Variants in ATP9B observed in about 807,000 individuals in gnomAD.
The protein encoded by ATP9B is ATPase phospholipid transporting 9B, also known as probable phospholipid-transporting ATPase IIB.
In ATP9B, 110 loss-of-function variants were observed where a neutral mutation model predicts 146.1. The ratio of observed to expected loss-of-function variants is 0.75; its 90% CI spans 0.65 to 0.88. ATP9B has a LOEUF of 0.88. ATP9B is among the 40% of genes least tolerant of loss of function. ATP9B has a pLI of 0.00. For missense variants in ATP9B, 1,499 were observed against 1,496.4 expected, an observed-to-expected ratio of 1.00 and a Z score of -0.03; for synonymous variants, 604 against 569.7, an observed-to-expected ratio of 1.06 and a Z score of -0.86.
chr18:79,104,719 T>C (rs1422696786), intron 2 of ATP9B, among the ~76,000 whole-genome samples: 1 of 152,026 alleles, frequency 6.6e-6, no homozygotes, highest in Non-Finnish European at 1.5e-5. Flanking sequence ...CTTAGTAAAA[T>C]ATCCTAGATT....
intron 14 of ATP9B, 94 bp downstream of exon 14, chr18:79,303,810 A>C: frequency 1.6e-5 from 12 of 743,346 alleles, no homozygotes; most frequent in South Asian, 6.4e-5. Flanking sequence ...GTAAATTAGC[A>C]CGCTTCTTGG....
intron 1 of ATP9B, among the ~76,000 whole-genome samples, chr18:79,094,221 G>T (rs1376034305): frequency 6.6e-6 from 1 of 152,196 alleles, no homozygotes; most frequent in African/African-American, 2.4e-5. Flanking sequence ...AGCCTGTCCT[G>T]TGCTTATTTG....
At chr18:79,210,225 A>G (rs1396934577) in intron 10 of ATP9B, among the ~76,000 whole-genome samples, 1 of 152,214 alleles carries the variant, frequency 6.6e-6, no homozygotes, top group Admixed American at 6.5e-5. Flanking sequence ...CGTGTTTATT[A>G]TACTGATGAG....
intron 11 of ATP9B, among the ~76,000 whole-genome samples, chr18:79,227,701 C>T (rs561998474): frequency 1.3e-5 from 2 of 152,308 alleles, no homozygotes; most frequent in East Asian, 3.9e-4. Context: ...CTCACCTCCC[C>T]CCGACTGTTC....
intron 1 of ATP9B, among the ~76,000 whole-genome samples, chr18:79,082,847 T>G (rs942833760): frequency 1.3e-5 from 2 of 152,312 alleles, no homozygotes; most frequent in Admixed American, 1.3e-4. Flanking sequence ...TGTTGACCCC[T>G]GCTAGGAGGT....
chr18:79,107,634 G>A (rs951526556), intron 2 of ATP9B, among the ~76,000 whole-genome samples: 3 of 152,300 alleles, frequency 2.0e-5, no homozygotes, highest in Admixed American at 1.3e-4. Flanking sequence ...GTCACTTGCT[G>A]GTGATTGTCT....
At chr18:79,125,095 A>T (rs1013696821) in intron 4 of ATP9B, among the ~76,000 whole-genome samples, 1 of 152,204 alleles carries the variant, frequency 6.6e-6, no homozygotes, top group Non-Finnish European at 1.5e-5. Context: ...AGTTTTAGTC[A>T]AGTGGTGGAA....
intron 4 of ATP9B, chr18:79,114,847 TAATA>T (rs2094038299): frequency 6.6e-6 from 1 of 152,556 alleles, no homozygotes; most frequent in Non-Finnish European, 1.5e-5. Context: ...GGGTCATTGG[TAATA>T]TATATCAAAG....
At chr18:79,151,214 C>G (rs1346610912) in intron 6 of ATP9B, among the ~76,000 whole-genome samples, 1 of 152,182 alleles carries the variant, frequency 6.6e-6, no homozygotes, top group Non-Finnish European at 1.5e-5. Context: ...TTACAGTAAT[C>G]AGCATTTACA....
chr18:79,108,312 C>T (rs992777588), intron 2 of ATP9B, among the ~76,000 whole-genome samples: 4 of 152,140 alleles, frequency 2.6e-5, no homozygotes, highest in Non-Finnish European at 5.9e-5. Context: ...TTTAATTTTT[C>T]TTTCATTCAA....
At chr18:79,085,543 A>G (rs1415251478) in intron 1 of ATP9B, 2 of 152,210 alleles carry the variant, frequency 1.3e-5, no homozygotes, top group Non-Finnish European at 2.9e-5. Context: ...GTCATGTGAG[A>G]TACTGATTTT....
intron 13 of ATP9B, among the ~76,000 whole-genome samples, chr18:79,300,547 G>A (rs963594314): frequency 6.6e-6 from 1 of 152,188 alleles, no homozygotes; most frequent in South Asian, 2.1e-4. Flanking sequence ...GTGGGTTGCG[G>A]TGAGGACACA....
intron 15 of ATP9B, among the ~76,000 whole-genome samples, chr18:79,325,593 G>A (rs1280085332): frequency 6.6e-6 from 1 of 152,176 alleles, no homozygotes; most frequent in Non-Finnish European, 1.5e-5. Context: ...AGTCACCTGA[G>A]GTCACATGAC....
Position 79,377,733 on chromosome 18 carries a change from GGGA to G in ATP9B, c.*351_*353del. On this transcript the variant is annotated 3_prime_UTR_variant, in exon 30 of 30. Transcript: ENST00000426216. ...CAGGCAAGCCCAGGGCACAGAGGCC[GGGA>G]CGGCCTCTCCCTCTCAGTGTGAGGC... 4.1e-6 allele frequency: 1 copy of G among 244,524 alleles called. No individual in the cohort carries two copies. Among genetic ancestry groups the G allele is most frequent in the Admixed American group, 5.0e-5 (1 of 20,034 alleles). The allele number at this position is 244,524 out of a possible 1,614,324, so 15.1% of individuals were successfully genotyped here.
chr18:79,361,894 A>T, intron 26 of ATP9B: 2 of 656,206 alleles, frequency 3.0e-6, no homozygotes, highest in Non-Finnish European at 3.8e-6. Context: ...GATGTAGGAC[A>T]ACATAGCCCT....
intron 13 of ATP9B, among the ~76,000 whole-genome samples, chr18:79,289,982 C>G (rs187310814): frequency 0.01 from 1,593 of 152,222 alleles, 31 homozygotes; most frequent in African/African-American, 0.037. Context: ...AGTTTTGTCT[C>G]AGAGGAGTAC....
intron 12 of ATP9B, among the ~76,000 whole-genome samples, chr18:79,257,053 A>G (rs1416598738): frequency 2.0e-5 from 3 of 152,184 alleles, no homozygotes; most frequent in East Asian, 1.9e-4. Flanking sequence ...TAATCCTAGT[A>G]CTTTCGGAGG....
At chr18:79,166,877 C>T (rs774311109) in intron 7 of ATP9B, among the ~76,000 whole-genome samples, 17 of 152,054 alleles carry the variant, frequency 1.1e-4, no homozygotes, top group Non-Finnish European at 1.9e-4. Flanking sequence ...CGAGGGTGAG[C>T]CCAGAACAGA....
chr18:79,099,195 T>G (rs1009637040), intron 2 of ATP9B, among the ~76,000 whole-genome samples: 6 of 152,164 alleles, frequency 3.9e-5, no homozygotes, highest in African/African-American at 9.7e-5. Flanking sequence ...GTTCAAAATC[T>G]ATTTCTTTTT....
Sources: allele counts gnomAD v4.1 joint callset (sites outside exome capture counted in the v4.1 genomes callset), GRCh38; gene constraint gnomAD v4.1.1; transcripts MANE v1.5; gene names NCBI Gene and HGNC (gene_info 2026-07-23, HGNC 2026-07-21).